The following SP140 variants were observed in gnomAD, a reference collection of about 807,000 sequenced individuals.
SP140 encodes nuclear body protein SP140.
A neutral mutation model predicts 125.0 loss-of-function variants in SP140; 81 were observed. The ratio of observed to expected loss-of-function variants is 0.65; its 90% CI spans 0.54 to 0.78. SP140 has a LOEUF of 0.78. Among genes scored for constraint, SP140 ranks in the 30% least tolerant of loss-of-function variants. SP140 has a pLI of 0.00. For missense variants in SP140, 858 were observed against 1,037.0 expected, an observed-to-expected ratio of 0.83 and a Z score of 2.37; for synonymous variants, 312 against 354.0, an observed-to-expected ratio of 0.88 and a Z score of 1.33.
At chr2:230,232,415 G>A (rs868657571) in intron 1 of SP140, among the ~76,000 whole-genome samples, 1 of 152,272 alleles carries the variant, frequency 6.6e-6, no homozygotes, top group African/African-American at 2.4e-5. Flanking sequence ...TTGTGACTTT[G>A]GTTATTTGAG....
intron 26 of SP140, among the ~76,000 whole-genome samples, chr2:230,311,880 G>C (rs1216965992): frequency 6.6e-6 from 1 of 152,190 alleles, no homozygotes; most frequent in Non-Finnish European, 1.5e-5. Flanking sequence ...GCCTGCTGCA[G>C]CATATAAAGA....
At chr2:230,219,383 G>T (rs754777863) in intron 3 of SP140, among the ~76,000 whole-genome samples, 2 of 152,218 alleles carry the variant, frequency 1.3e-5, no homozygotes, top group Non-Finnish European at 2.9e-5. Flanking sequence ...GGCTGATTTA[G>T]TAATCAGTGT....
At chr2:230,307,970 T>C (rs1336166828) in intron 22 of SP140, among the ~76,000 whole-genome samples, 1 of 84,174 alleles carries the variant, frequency 1.2e-5, no homozygotes, top group Non-Finnish European at 2.6e-5. Flanking sequence ...TATATATATA[T>C]ATATATATAT....
At chr2:230,215,213 A>G in intron 3 of SP140, 1 of 989,658 alleles carries the variant, frequency 1.0e-6, no homozygotes, top group Non-Finnish European at 1.6e-6. Context: ...AAGCTACCTT[A>G]CTCTTTTAAG....
chr2:230,312,181 A>G (rs556268520), intron 26 of SP140, among the ~76,000 whole-genome samples: 1 of 152,368 alleles, frequency 6.6e-6, no homozygotes, highest in African/African-American at 2.4e-5. Context: ...TGCCCTGTTA[A>G]TAAGAAAGGA....
rs976990289 is a variant in SP140, at chr2:230,248,913, C to T, written c.921C>T (p.Val307=). The T allele has an allele frequency of 6.2e-7, 1 of 1,612,708 alleles. No individual in the cohort carries two copies. Among genetic ancestry groups the T allele is most frequent in the Non-Finnish European group, 8.5e-7 (1 of 1,178,802 alleles). ...KETFDLKTPQ[V]TNEGEPEKGL... is the part of the protein sequence containing the mutation. The stretch of plus-strand genomic sequence containing the variant: ...CCTTTGATCTAAAAACTCCCCAAGT[C>T]ACTAATGAAGGAGAACCAGAGAAGG... Residue 307 remains valine (V), a synonymous_variant, in exon 9 of 27, where the codon GTC becomes GTT. Transcript: ENST00000392045.
At chr2:230,239,175 C>A in intron 3 of SP140, 1 of 593,532 alleles carries the variant, frequency 1.7e-6, no homozygotes, top group South Asian at 3.5e-5. Context: ...TATGATACAT[C>A]CAAGTCAGAG....
At chr2:230,238,673 A>G in intron 3 of SP140, 2 of 1,082,928 alleles carry the variant, frequency 1.8e-6, no homozygotes, top group South Asian at 1.4e-5. Context: ...GAAGGAATAC[A>G]TGAGTGATGT....
At chr2:230,248,730 C>G (rs74551082) in intron 8 of SP140, among the ~76,000 whole-genome samples, 155 bp from the exon 9 acceptor site, 57 of 152,220 alleles carry the variant, frequency 3.7e-4, no homozygotes, top group African/African-American at 1.1e-3. Context: ...CTGAGAATTA[C>G]AGAGAAGGAG....
intron 1 of SP140, chr2:230,213,163 T>A: frequency 1.2e-6 from 1 of 823,400 alleles, no homozygotes; most frequent in South Asian, 1.4e-5. Context: ...AGAGAACTGA[T>A]TCATTGTCAT....
Position 230,231,899 on chromosome 2 carries a change from C to T in SP140, c.60-5184C>T, listed in dbSNP as rs148716299. Among the ~76,000 whole-genome samples the T allele has an allele frequency of 6.3e-3, 956 of 152,076 alleles. 15 individuals carry two copies. The highest frequency in any genetic ancestry group is 0.021 in the African/African-American group (873 of 41,466). On this transcript the variant is annotated intron_variant, in intron 1 of 26. Transcript: ENST00000392045. ...TTTTCTTTTGTGTTTTTAGTAGAGACGGGGTTTCACCATGTTGGCCAGGCT... is the reference window on the plus strand; with the variant it reads ...TTTTCTTTTGTGTTTTTAGTAGAGATGGGGTTTCACCATGTTGGCCAGGCT...
chr2:230,292,569 A>T, intron 19 of SP140, 77 bp from the exon 20 acceptor site: 1 of 1,585,466 alleles, frequency 6.3e-7, no homozygotes, highest in South Asian at 1.1e-5. Context: ...GTGGCTCTAG[A>T]TCCAGTGTGG....
chr2:230,235,868 G>GTTTTTT (rs984054259), intron 1 of SP140, among the ~76,000 whole-genome samples: 80 of 77,968 alleles, frequency 1.0e-3, no homozygotes, highest in East Asian at 2.0e-3. Flanking sequence ...TCTTGTGACT[G>GTTTTTT]TTTTTTTTTT....
chr2:230,258,271 C>T (rs2149274110), intron 12 of SP140, among the ~76,000 whole-genome samples: 1 of 152,244 alleles, frequency 6.6e-6, no homozygotes, highest in East Asian at 1.9e-4. Context: ...TAGGATTCCC[C>T]TTCACTGAGT....
chr2:230,195,940 TAA>T, the SP140 span, among the ~76,000 whole-genome samples: 2 of 151,954 alleles, frequency 1.3e-5, no homozygotes, highest in East Asian at 1.9e-4. Flanking sequence ...GCAAAAAATA[TAA>T]GTTAAAAATG....
the SP140 span, among the ~76,000 whole-genome samples, chr2:230,187,597 T>C: frequency 6.6e-6 from 1 of 152,164 alleles, no homozygotes; most frequent in African/African-American, 2.4e-5. Flanking sequence ...TTTTCCTAGG[T>C]TTTCTTATAG....
At chr2:230,270,866 G>A (rs369114848) in intron 15 of SP140, 2 of 578,782 alleles carry the variant, frequency 3.5e-6, no homozygotes, top group South Asian at 3.1e-5. Flanking sequence ...ACCTTGAAAT[G>A]GGGAGATGAT....
chr2:230,310,197 C>A, intron 23 of SP140, 158 bp downstream of exon 23: 1 of 659,806 alleles, frequency 1.5e-6, no homozygotes, highest in Non-Finnish European at 2.6e-6. Flanking sequence ...CAGTGGGAGA[C>A]GCTGGCAGCA....
At chr2:230,304,005 C>G (rs547544909) in intron 22 of SP140, among the ~76,000 whole-genome samples, 62 of 152,078 alleles carry the variant, frequency 4.1e-4, no homozygotes, top group Non-Finnish European at 7.9e-4. Flanking sequence ...CTAGAAAACC[C>G]TAAGGACTCA....
Sources: gnomAD v4.1 joint callset for allele counts (sites outside exome capture counted in the v4.1 genomes callset) on GRCh38, gnomAD v4.1.1 for gene constraint, MANE v1.5 for transcripts, NCBI Gene and HGNC (gene_info 2026-07-23, HGNC 2026-07-21) for gene names.